DIXDC1: variants seen among roughly 807,000 people sequenced by gnomAD.
DIXDC1 encodes the protein DIX domain containing 1.
A neutral mutation model predicts 103.1 loss-of-function variants in DIXDC1; 64 were observed. The observed-to-expected ratio is 0.62, with a 90% CI of 0.51 to 0.76. DIXDC1 has a LOEUF of 0.76. Ranked by LOEUF, DIXDC1 falls within the 30% of genes least tolerant of loss-of-function variation. The pLI, the probability that DIXDC1 is intolerant of heterozygous loss-of-function variation, is 0.00. For missense variants in DIXDC1, 759 were observed against 834.2 expected, an observed-to-expected ratio of 0.91 and a Z score of 1.11; for synonymous variants, 266 against 298.5, an observed-to-expected ratio of 0.89 and a Z score of 1.12.
Position 112,020,517 on chromosome 11 carries a change from A to G in DIXDC1, c.*1481A>G, listed in dbSNP as rs1238100104. Reference sequence around the variant, plus strand: ...CTCATTTGCTTTTTGTCTGAGAACCATGTCTATTTTTATAACTGGAGTGTG... The same window carrying G: ...CTCATTTGCTTTTTGTCTGAGAACCGTGTCTATTTTTATAACTGGAGTGTG... On this transcript the variant is annotated 3_prime_UTR_variant, in exon 20 of 20. Coordinates refer to ENST00000440460, the MANE Select transcript of DIXDC1 (RefSeq NM_001037954.4). The G allele has an allele frequency of 3.9e-5, 6 of 152,466 alleles. No individual in the cohort carries two copies. The highest frequency in any genetic ancestry group is 8.8e-5 in the Non-Finnish European group (6 of 68,040). The allele number at this position is 152,466 out of a possible 1,614,324, so 9.4% of individuals were successfully genotyped here.
Position 111,956,286 on chromosome 11 carries a change from T to G in DIXDC1, c.61-8263T>G, listed in dbSNP as rs11530537. Among the ~76,000 whole-genome samples the G allele has an allele frequency of 2.0e-5, 3 of 152,310 alleles. No homozygotes were observed. In the East Asian group the frequency reaches 5.8e-4, roughly 29 times the overall value. ...AATTTTGCAGTATGAAAAAGGTCTA[T>G]AGATTTGTTTCACAACAATGTGAAT... On this transcript the variant is annotated intron_variant, in intron 1 of 19. Coordinates refer to ENST00000440460, the MANE Select transcript of DIXDC1 (RefSeq NM_001037954.4).
intron 2 of DIXDC1, among the ~76,000 whole-genome samples, chr11:111,966,740 T>A (rs1283705725): frequency 6.6e-6 from 1 of 152,202 alleles, no homozygotes; most frequent in Non-Finnish European, 1.5e-5. Flanking sequence ...CTATTGTGAC[T>A]TTGCTAGATA....
At chr11:111,931,264 G>T (rs1365366825) in intron 2 of DIXDC1, among the ~76,000 whole-genome samples, 6 of 152,154 alleles carry the variant, frequency 3.9e-5, no homozygotes, top group Non-Finnish European at 8.8e-5. Flanking sequence ...GCTTGAGCCT[G>T]GGAGGTCGAG....
At chr11:111,962,250 G>A (rs1472853624) in intron 1 of DIXDC1, among the ~76,000 whole-genome samples, 1 of 152,148 alleles carries the variant, frequency 6.6e-6, no homozygotes, top group Non-Finnish European at 1.5e-5. Context: ...GGGAGGCCTA[G>A]GTGGGTGGAT....
chr11:111,939,318 CT>C (rs1966337919), intron 1 of DIXDC1, among the ~76,000 whole-genome samples: 1 of 152,220 alleles, frequency 6.6e-6, no homozygotes. Context: ...TAAATATCCC[CT>C]GACCTCCAAT....
chr11:111,934,477 G>T (rs1278836209), upstream of DIXDC1, among the ~76,000 whole-genome samples: 1 of 152,210 alleles, frequency 6.6e-6, no homozygotes, highest in Non-Finnish European at 1.5e-5. Flanking sequence ...CAGCCCTGCA[G>T]CAGCAGAAGT....
chr11:111,952,071 G>A (rs1304792250), intron 1 of DIXDC1, among the ~76,000 whole-genome samples: 1 of 152,074 alleles, frequency 6.6e-6, no homozygotes, highest in African/African-American at 2.4e-5. Context: ...TCACCATGTT[G>A]GGCAGGCTGG....
chr11:111,994,745 G>T (rs1337678622), intron 14 of DIXDC1, among the ~76,000 whole-genome samples: 1 of 152,098 alleles, frequency 6.6e-6, no homozygotes, highest in East Asian at 1.9e-4. Flanking sequence ...CAGTGCTGTG[G>T]CAGAGGCTAG....
rs891065410 is a variant in DIXDC1, at chr11:111,956,863, T to A, written c.61-7686T>A. 3.3e-5 allele frequency among the ~76,000 whole-genome samples: 5 copies of A among 151,958 alleles called. No homozygotes were observed. In the South Asian group the frequency reaches 1.0e-3, roughly 32 times the overall value. ...AGTAAATATCCATGATATACTGATA[T>A]AAATAAATAAATGGGGGAGAGGGCC... On this transcript the variant is annotated intron_variant, in intron 1 of 19. Transcript: ENST00000440460.
At chr11:111,994,985 C>T (rs1555175151) in intron 14 of DIXDC1, 34 bp from the exon 15 acceptor site, 2 of 1,596,634 alleles carry the variant, frequency 1.3e-6, no homozygotes, top group Admixed American at 1.7e-5. Context: ...ACAATTCTCC[C>T]TTTAACAAGC....
At chr11:111,936,775 G>A (rs782786954), upstream of DIXDC1, among the ~76,000 whole-genome samples, 4 of 152,044 alleles carry the variant, frequency 2.6e-5, no homozygotes, top group Admixed American at 6.5e-5. Flanking sequence ...GGTTAGTCTG[G>A]GGGAAAATCC....
chr11:111,964,764 AT>A, intron 2 of DIXDC1, 86 bp downstream of exon 2: 1 of 1,441,198 alleles, frequency 6.9e-7, no homozygotes, highest in South Asian at 1.5e-5. Flanking sequence ...AGAGCAGGTT[AT>A]TTTTTCTTTA....
chr11:111,949,112 G>A (rs1395413705), intron 1 of DIXDC1, among the ~76,000 whole-genome samples: 4 of 152,148 alleles, frequency 2.6e-5, no homozygotes, highest in Non-Finnish European at 4.4e-5. Context: ...ATATGTATAA[G>A]GGATGTAGCA....
upstream of DIXDC1, among the ~76,000 whole-genome samples, chr11:111,933,210 C>T (rs1455876687): frequency 6.6e-6 from 1 of 151,522 alleles, no homozygotes; most frequent in Non-Finnish European, 1.5e-5. Flanking sequence ...CTCACCTCAA[C>T]CTCCACCTCC....
In DIXDC1 at chr11:111,974,940, T is replaced by A. The variant is rs1592584148; in HGVS notation, c.613T>A (p.Tyr205Asn). The A allele has an allele frequency of 1.2e-6, 2 of 1,613,320 alleles. No individual in the cohort carries two copies. The highest frequency in any genetic ancestry group is 2.7e-5 in the African/African-American group (2 of 74,870). The change falls in exon 5 of 20, where the codon TAC (tyrosine) becomes AAC (asparagine). Residue 205 changes from tyrosine (Y) to asparagine (N), a missense_variant. Tyr to Asn is a moderately radical substitution (Grantham distance 143). Around this residue, in one of 3 missense-constraint regions of DIXDC1, gnomAD observed 657 missense variants for 727.5 expected, o/e 0.90. Transcript: ENST00000440460. ...YWSVRALVQQYEGQQRSPSES... is the reference protein window; with the variant it reads ...YWSVRALVQQNEGQQRSPSES... ...GAGTGTGCGGGCCCTAGTGCAGCAG[T>A]ACGAAGGGCAACAAAGGTCCCCGTC...
Position 111,977,882 on chromosome 11 carries a change from C to T in DIXDC1, c.657-2855C>T, listed in dbSNP as rs1481212338. ...GAGGATGCTGTTGGCCGGAGACAGG[C>T]GGGGTGGTGGGAGCATTATGTTGGG... On this transcript the variant is annotated intron_variant, in intron 5 of 19. Coordinates refer to ENST00000440460, the MANE Select transcript of DIXDC1 (RefSeq NM_001037954.4). The surrounding 1 kb of genome is among the most constrained non-coding windows in gnomAD (Gnocchi z 6.1). 1.4e-6 allele frequency: 2 copies of T among 1,445,418 alleles called. No homozygotes were observed. The highest frequency in any genetic ancestry group is 1.8e-6 in the Non-Finnish European group (2 of 1,093,034). The allele number at this position is 1,445,418 out of a possible 1,614,324, so 89.5% of individuals were successfully genotyped here.
At chr11:111,971,562 A>G (rs1859929023) in intron 3 of DIXDC1, among the ~76,000 whole-genome samples, 1 of 152,182 alleles carries the variant, frequency 6.6e-6, no homozygotes, top group African/African-American at 2.4e-5. Context: ...TCTAAGAACT[A>G]CAGCAATCCC....
At chr11:111,935,571 T>C (rs1966164112), upstream of DIXDC1, among the ~76,000 whole-genome samples, 1 of 152,232 alleles carries the variant, frequency 6.6e-6, no homozygotes, top group African/African-American at 2.4e-5. Flanking sequence ...ACTTTGGTTT[T>C]GCATCATTAT....
chr11:111,990,546 A>G (rs915836795), intron 10 of DIXDC1, among the ~76,000 whole-genome samples: 7 of 152,222 alleles, frequency 4.6e-5, no homozygotes, highest in Non-Finnish European at 8.8e-5. Flanking sequence ...TCAGTAGTAC[A>G]TAAAGACTTT....
Sources: gnomAD v4.1 joint callset for allele counts (sites outside exome capture counted in the v4.1 genomes callset) on GRCh38, gnomAD v4.1.1 for gene constraint, gnomAD v4.1.1 regional missense constraint, Gnocchi (gnomAD v3.1) non-coding constraint, MANE v1.5 for transcripts, NCBI Gene and HGNC (gene_info 2026-07-23, HGNC 2026-07-21) for gene names.